The following PDPN variants were observed in gnomAD, a reference collection of about 807,000 sequenced individuals.
The protein encoded by PDPN is podoplanin.
In PDPN, 12 loss-of-function variants were observed where a neutral mutation model predicts 23.2. The observed-to-expected ratio is 0.52, with a 90% CI of 0.33 to 0.84. The LOEUF (loss-of-function observed/expected upper bound fraction) is 0.84. PDPN is among the 40% of genes least tolerant of loss of function. The pLI is 0.02. For synonymous variants in PDPN, 77 were observed against 76.7 expected, an observed-to-expected ratio of 1.00 and a Z score of -0.02; for missense variants, 199 against 212.2, an observed-to-expected ratio of 0.94 and a Z score of 0.39.
intron 3 of PDPN, among the ~76,000 whole-genome samples, chr1:13,611,177 C>T (rs776658917): frequency 1.3e-4 from 20 of 151,494 alleles, no homozygotes; most frequent in Non-Finnish European, 2.4e-4. Flanking sequence ...GCCCAGATGA[C>T]GCCACTGCAC....
chr1:13,599,373 CTTT>C (rs70984267), intron 1 of PDPN, among the ~76,000 whole-genome samples: 2 of 77,086 alleles, frequency 2.6e-5, no homozygotes, highest in South Asian at 1.1e-3. Context: ...GAGAAGCTAT[CTTT>C]TTTTTTTTTT....
intron 1 of PDPN, among the ~76,000 whole-genome samples, chr1:13,591,441 A>C (rs964423778): frequency 6.6e-6 from 1 of 152,082 alleles, no homozygotes; most frequent in Admixed American, 6.6e-5. Context: ...GACCATCACC[A>C]CTATCAATTT....
At chr1:13,605,691 T>C (rs998693269) in intron 1 of PDPN, among the ~76,000 whole-genome samples, 33 of 152,036 alleles carry the variant, frequency 2.2e-4, no homozygotes, top group African/African-American at 5.8e-4. Flanking sequence ...GGTGTGATCT[T>C]GGCTCACTGC....
At chr1:13,609,801 T>C (rs1640887593) in intron 2 of PDPN, among the ~76,000 whole-genome samples, 1 of 152,038 alleles carries the variant, frequency 6.6e-6, no homozygotes. Context: ...GTGTGGTGGC[T>C]CACGCCTGTA....
At chr1:13,604,017 T>C (rs1640716987) in intron 1 of PDPN, among the ~76,000 whole-genome samples, 2 of 152,324 alleles carry the variant, frequency 1.3e-5, no homozygotes, top group East Asian at 1.9e-4. Flanking sequence ...AGGGTGTTTA[T>C]GTGAGCACGC....
chr1:13,585,627 C>CT, intron 1 of PDPN: 1 of 1,351,998 alleles, frequency 7.4e-7, no homozygotes, highest in Non-Finnish European at 9.8e-7. Context: ...CAGCCGGCTC[C>CT]TGAATGTCAA....
rs1041342962 is a variant in PDPN at position 13,606,289 on chromosome 1, C to A, written c.68-884C>A. Among the ~76,000 whole-genome samples, 27 of 152,168 alleles carry A rather than the reference C, an allele frequency of 1.8e-4. 1 individual carries two copies. Among genetic ancestry groups the A allele is most frequent in the Admixed American group, 1.8e-3 (27 of 15,258 alleles). On this transcript the variant is annotated intron_variant, in intron 1 of 5. Transcript: ENST00000621990. ...AAAGTGTTGGGATTACAGGCGTGAA[C>A]CACTGCACCCAGCTAGTTTGGCTCT...
chr1:13,594,994 C>CAAAA (rs1382399608), intron 1 of PDPN, among the ~76,000 whole-genome samples: 3 of 80,128 alleles, frequency 3.7e-5, no homozygotes, highest in Admixed American at 1.5e-4. Flanking sequence ...GACTCCTTCT[C>CAAAA]AAAAAAAAAA....
chr1:13,605,061 G>A (rs1182044615), intron 1 of PDPN, among the ~76,000 whole-genome samples: 1 of 152,160 alleles, frequency 6.6e-6, no homozygotes, highest in South Asian at 2.1e-4. Context: ...AAAAGAGCAG[G>A]CTCATAGAAC....
chr1:13,616,057 C>A lies in PDPN; in HGVS notation c.*146C>A, dbSNP rs1641066590. Reference sequence around the variant, plus strand: ...GAATCCACGGTGACCTCTCCGCTTGCCAAAATAACCGAAGGAAAGACCGTT... The same window carrying A: ...GAATCCACGGTGACCTCTCCGCTTGACAAAATAACCGAAGGAAAGACCGTT... On this transcript the variant is annotated 3_prime_UTR_variant, in exon 6 of 6. Transcript: ENST00000621990. 4.2e-6 allele frequency: 3 copies of A among 719,436 alleles called. No homozygotes were observed. The highest frequency in any genetic ancestry group is 3.5e-5 in the African/African-American group (2 of 56,354). The allele number at this position is 719,436 out of a possible 1,614,324, so 44.6% of individuals were successfully genotyped here. A position where few individuals can be genotyped will look rare whatever the true frequency, so the allele number is the denominator to read the frequency against.
intron 1 of PDPN, among the ~76,000 whole-genome samples, chr1:13,601,745 T>C (rs1019230465): frequency 5.9e-5 from 9 of 152,218 alleles, no homozygotes; most frequent in Non-Finnish European, 1.2e-4. Context: ...GGTGATTGGC[T>C]AATCTTTTGG....
intron 1 of PDPN, among the ~76,000 whole-genome samples, chr1:13,605,686 G>C (rs1640767413): frequency 6.6e-6 from 1 of 152,054 alleles, no homozygotes; most frequent in South Asian, 2.1e-4. Context: ...GCAGTGGTGT[G>C]ATCTTGGCTC....
chr1:13,604,333 C>T (rs973385979), intron 1 of PDPN, among the ~76,000 whole-genome samples: 1 of 152,300 alleles, frequency 6.6e-6, no homozygotes, highest in South Asian at 2.1e-4. Context: ...GGGAATCCTT[C>T]AGCCAAGATA....
intron 1 of PDPN, among the ~76,000 whole-genome samples, chr1:13,600,236 C>T (rs1268461622): frequency 6.6e-6 from 1 of 152,120 alleles, no homozygotes; most frequent in East Asian, 1.9e-4. Context: ...GCATTTTAGC[C>T]CAAAGCTGCC....
intron 1 of PDPN, chr1:13,585,382 G>T (rs1640148892): frequency 1.4e-6 from 1 of 711,600 alleles, no homozygotes; most frequent in Non-Finnish European, 2.0e-6. Context: ...AGGGGCCGTG[G>T]GTTATTCGTA....
At chr1:13,615,674 G>T (rs554726579) in intron 5 of PDPN, among the ~76,000 whole-genome samples, 1 of 152,234 alleles carries the variant, frequency 6.6e-6, no homozygotes, top group East Asian at 1.9e-4. Context: ...AGGGTTGAGG[G>T]ATACAGGGGA....
intron 1 of PDPN, among the ~76,000 whole-genome samples, chr1:13,584,750 T>C (rs926867048): frequency 1.3e-5 from 2 of 152,156 alleles, no homozygotes; most frequent in Non-Finnish European, 2.9e-5. Context: ...TTACGAACAT[T>C]GAGGTTTAAG....
chr1:13,601,697 G>T (rs552096523), intron 1 of PDPN, among the ~76,000 whole-genome samples: 4 of 152,188 alleles, frequency 2.6e-5, no homozygotes, highest in Non-Finnish European at 5.9e-5. Flanking sequence ...CTCAATGACA[G>T]CTGGTTTTGA....
At position 13,610,326 on chromosome 1, in the gene PDPN, G is replaced by A; in HGVS notation, c.202-61G>A. 4 of 1,436,436 alleles carry A rather than the reference G, an allele frequency of 2.8e-6. No homozygotes were observed. In the East Asian group the frequency reaches 6.9e-5, roughly 25 times the overall value. The allele number at this position is 1,436,436 out of a possible 1,614,324, so 89.0% of individuals were successfully genotyped here. On this transcript the variant is annotated intron_variant, in intron 2 of 5. Coordinates refer to ENST00000621990, the MANE Select transcript of PDPN (RefSeq NM_006474.5). Reference sequence around the variant, plus strand: ...ACCTTAAATCCTTTTATAAGGCAGGGGATATATTTTAAAGACAGTAGGCTT... The same window carrying A: ...ACCTTAAATCCTTTTATAAGGCAGGAGATATATTTTAAAGACAGTAGGCTT...
Sources: gnomAD v4.1 joint callset for allele counts (sites outside exome capture counted in the v4.1 genomes callset) on GRCh38, gnomAD v4.1.1 for gene constraint, MANE v1.5 for transcripts, NCBI Gene and HGNC (gene_info 2026-07-23, HGNC 2026-07-21) for gene names.